The following COL21A1 variants were observed in gnomAD, a reference collection of about 807,000 sequenced individuals.
COL21A1 encodes collagen type XXI alpha 1 chain, also known as collagen alpha-1(XXI) chain.
A neutral mutation model predicts 137.9 loss-of-function variants in COL21A1; 149 were observed. The observed-to-expected ratio is 1.08, with a 90% confidence interval of 0.95 to 1.24. The LOEUF (loss-of-function observed/expected upper bound fraction) is 1.24. COL21A1 is among the 50% of genes most tolerant of loss of function. The probability of loss-of-function intolerance (pLI) is 0.00; values close to 1 mark genes in which losing one functional copy is unlikely to be tolerated. For synonymous variants in COL21A1, 456 were observed against 391.5 expected (o/e 1.16, Z -1.95); for missense variants, 1,167 against 1,158.4 (o/e 1.01, Z -0.11).
At chr6:56,176,596 C>CA (rs1259303871) in intron 3 of COL21A1, among the ~76,000 whole-genome samples, 10 of 19,466 alleles carry the variant, frequency 5.1e-4, no homozygotes, top group African/African-American at 2.4e-3. Flanking sequence ...TGGCCATTAC[C>CA]AAAAAAAAGA....
chr6:56,167,773 AT>A (rs926420442), intron 6 of COL21A1, among the ~76,000 whole-genome samples: 8 of 152,188 alleles, frequency 5.3e-5, no homozygotes, highest in Non-Finnish European at 1.0e-4. Context: ...CTGCAAAGAC[AT>A]TTTTATAGCC....
At chr6:56,362,032 T>C (rs922477732) in intron 1 of COL21A1, among the ~76,000 whole-genome samples, 5 of 152,180 alleles carry the variant, frequency 3.3e-5, no homozygotes, top group Admixed American at 3.3e-4. Context: ...CCAGGTTAAC[T>C]GAACACAATG....
chr6:56,205,619 C>T (rs1779723227), intron 1 of COL21A1, among the ~76,000 whole-genome samples: 2 of 152,128 alleles, frequency 1.3e-5, no homozygotes, highest in African/African-American at 4.8e-5. Flanking sequence ...CATTCAAATT[C>T]AGGAAATACA....
chr6:56,320,875 T>A (rs576892040), intron 1 of COL21A1, among the ~76,000 whole-genome samples: 1 of 152,302 alleles, frequency 6.6e-6, no homozygotes, highest in East Asian at 1.9e-4. Context: ...TGATTTTTTT[T>A]ATGACCAATA....
chr6:56,239,324 T>C (rs1022222314), intron 1 of COL21A1, among the ~76,000 whole-genome samples: 1 of 152,196 alleles, frequency 6.6e-6, no homozygotes, highest in South Asian at 2.1e-4. Context: ...TTTGAAATTA[T>C]AATTCCAAAT....
intron 17 of COL21A1, among the ~76,000 whole-genome samples, chr6:56,094,657 C>A (rs1307962324): frequency 6.6e-6 from 1 of 152,118 alleles, no homozygotes. Context: ...ACAGAACCAG[C>A]TGAGATATAT....
At chr6:56,193,001 T>C (rs78318827) in intron 1 of COL21A1, among the ~76,000 whole-genome samples, 1 of 152,064 alleles carries the variant, frequency 6.6e-6, no homozygotes, top group Admixed American at 6.5e-5. Flanking sequence ...AAAGGATGAG[T>C]TCACGTCCTT....
intron 22 of COL21A1, among the ~76,000 whole-genome samples, chr6:56,068,048 T>A (rs971965400): frequency 6.6e-6 from 1 of 151,724 alleles, no homozygotes; most frequent in Non-Finnish European, 1.5e-5. Context: ...CAACAAGTTC[T>A]GAACAAGAAA....
intron 1 of COL21A1, among the ~76,000 whole-genome samples, chr6:56,311,703 T>G (rs936237212): frequency 1.1e-4 from 17 of 152,198 alleles, no homozygotes; most frequent in African/African-American, 4.1e-4. Context: ...CTTTAAATAC[T>G]TGCCCTGGAA....
intron 1 of COL21A1, among the ~76,000 whole-genome samples, chr6:56,239,276 C>G (rs1782109682): frequency 6.6e-6 from 1 of 152,144 alleles, no homozygotes; most frequent in Non-Finnish European, 1.5e-5. Context: ...ATCAATTAAT[C>G]ACATTCTAAC....
intron 17 of COL21A1, among the ~76,000 whole-genome samples, chr6:56,087,931 G>C (rs1458058642): frequency 2.0e-5 from 3 of 152,144 alleles, no homozygotes; most frequent in African/African-American, 7.2e-5. Context: ...TCCTGTGTTT[G>C]ACAATTTTTA....
At chr6:56,314,533 A>G in intron 1 of COL21A1, among the ~76,000 whole-genome samples, 1 of 152,184 alleles carries the variant, frequency 6.6e-6, no homozygotes. Flanking sequence ...ATTGTCTGCA[A>G]CACCTCGGCC....
chr6:56,272,995 C>T (rs565881532), intron 1 of COL21A1, among the ~76,000 whole-genome samples: 47 of 152,242 alleles, frequency 3.1e-4, no homozygotes, highest in African/African-American at 1.1e-3. Context: ...AAGCAAATTT[C>T]AACAGATTTT....
intron 1 of COL21A1, among the ~76,000 whole-genome samples, chr6:56,346,033 T>C (rs188006572): frequency 1.3e-5 from 2 of 152,370 alleles, no homozygotes; most frequent in East Asian, 1.9e-4. Context: ...AGAACTGTTT[T>C]CTTCATTTAC....
At chr6:56,170,364 G>A (rs1776939214) in intron 5 of COL21A1, among the ~76,000 whole-genome samples, 1 of 151,754 alleles carries the variant, frequency 6.6e-6, no homozygotes, top group Admixed American at 6.6e-5. Flanking sequence ...CTGCAAAATG[G>A]GAGCAATGGT....
intron 1 of COL21A1, among the ~76,000 whole-genome samples, chr6:56,223,313 A>G (rs1780968569): frequency 6.6e-6 from 1 of 152,080 alleles, no homozygotes; most frequent in South Asian, 2.1e-4. Context: ...GTGTCCCTCT[A>G]ATATGAAGGG....
intron 12 of COL21A1, among the ~76,000 whole-genome samples, chr6:56,126,812 A>C (rs1386286073): frequency 6.6e-6 from 1 of 152,178 alleles, no homozygotes; most frequent in Non-Finnish European, 1.5e-5. Context: ...AATGACTTTC[A>C]TGGCAAAATT....
At chr6:56,217,040 G>A (rs1003349028) in intron 1 of COL21A1, among the ~76,000 whole-genome samples, 1 of 151,902 alleles carries the variant, frequency 6.6e-6, no homozygotes, top group African/African-American at 2.4e-5. Flanking sequence ...TAAAAATATG[G>A]CCAATCCATA....
chr6:56,139,414 A>G (rs1259515022), intron 12 of COL21A1, among the ~76,000 whole-genome samples: 1 of 152,116 alleles, frequency 6.6e-6, no homozygotes, highest in Non-Finnish European at 1.5e-5. Context: ...TAAATTCAGA[A>G]CTAAGCCTAT....
Sources: allele counts gnomAD v4.1 joint callset (sites outside exome capture counted in the v4.1 genomes callset), GRCh38; gene constraint gnomAD v4.1.1; transcripts MANE v1.5; gene names NCBI Gene and HGNC (gene_info 2026-07-23, HGNC 2026-07-21).